PLXNA4: variants seen among roughly 807,000 people sequenced by gnomAD.
The protein encoded by PLXNA4 is plexin-A4.
Under a neutral mutation model 191.8 loss-of-function variants are expected in PLXNA4, and 44 were observed. The observed-to-expected ratio is 0.23, with a 90% confidence interval of 0.18 to 0.29. PLXNA4 has a LOEUF of 0.29. Among genes scored for constraint, PLXNA4 ranks in the 10% least tolerant of loss-of-function variants. The pLI, the probability that PLXNA4 is intolerant of heterozygous loss-of-function variation, is 1.00. For synonymous variants in PLXNA4, 1,082 were observed against 1,009.5 expected (o/e 1.07, Z -1.36); for missense variants, 1,800 against 2,488.8 (o/e 0.72, Z 5.89).
chr7:132,177,930 A>C (rs1430474473), intron 20 of PLXNA4, among the ~76,000 whole-genome samples: 1 of 152,172 alleles, frequency 6.6e-6, no homozygotes, highest in African/African-American at 2.4e-5. Context: ...ATCGGTGTGA[A>C]GTGAGAGCCC....
chr7:132,173,099 C>T (rs562851975), intron 21 of PLXNA4, among the ~76,000 whole-genome samples: 14 of 152,300 alleles, frequency 9.2e-5, no homozygotes, highest in African/African-American at 3.4e-4. Context: ...GTCTACACAT[C>T]CAATCATACA....
chr7:132,331,040 G>A (rs1456894487), intron 3 of PLXNA4, among the ~76,000 whole-genome samples: 1 of 152,182 alleles, frequency 6.6e-6, no homozygotes, highest in Non-Finnish European at 1.5e-5. Context: ...AGAGAGTGAG[G>A]GTGGGATGGG....
chr7:132,141,250 T>C (rs975798894), intron 29 of PLXNA4, among the ~76,000 whole-genome samples: 1 of 152,218 alleles, frequency 6.6e-6, no homozygotes. Flanking sequence ...TGTATCTGAC[T>C]CTCTGCCATC....
chr7:132,433,286 T>C (rs1349298964), intron 3 of PLXNA4, among the ~76,000 whole-genome samples: 1 of 152,214 alleles, frequency 6.6e-6, no homozygotes, highest in Non-Finnish European at 1.5e-5. Context: ...TCACCTTTTG[T>C]CACAGTAACA....
intron 21 of PLXNA4, among the ~76,000 whole-genome samples, chr7:132,174,315 A>T (rs1796386017): frequency 6.6e-6 from 1 of 152,110 alleles, no homozygotes. Flanking sequence ...TTTCTCATTC[A>T]CATTTCCACC....
chr7:132,427,999 G>A (rs1795114620), intron 3 of PLXNA4, among the ~76,000 whole-genome samples: 1 of 152,146 alleles, frequency 6.6e-6, no homozygotes, highest in Non-Finnish European at 1.5e-5. Context: ...AAACCCATAT[G>A]CTTCTGCAAA....
At chr7:132,163,938 C>T (rs1796022254) in intron 24 of PLXNA4, among the ~76,000 whole-genome samples, 1 of 152,202 alleles carries the variant, frequency 6.6e-6, no homozygotes, top group Non-Finnish European at 1.5e-5. Flanking sequence ...AGCTACTGGT[C>T]CCCAAATCCA....
At chr7:132,395,275 G>A (rs1793709867) in intron 3 of PLXNA4, among the ~76,000 whole-genome samples, 1 of 152,194 alleles carries the variant, frequency 6.6e-6, no homozygotes, top group Non-Finnish European at 1.5e-5. Flanking sequence ...GGTTTTATGG[G>A]GGCTAGTTGG....
At chr7:132,518,635 C>T (rs1423858512) in intron 1 of PLXNA4, among the ~76,000 whole-genome samples, 1 of 152,184 alleles carries the variant, frequency 6.6e-6, no homozygotes, top group Non-Finnish European at 1.5e-5. Context: ...AATCCAGCAC[C>T]AAGCTCAGCT....
At chr7:132,529,209 T>C (rs1165490740) in intron 1 of PLXNA4, among the ~76,000 whole-genome samples, 2 of 152,168 alleles carry the variant, frequency 1.3e-5, no homozygotes, top group African/African-American at 4.8e-5. Flanking sequence ...CCATTGCAGG[T>C]TGGTGTCACC....
chr7:132,324,158 T>C (rs1425322223), intron 3 of PLXNA4, among the ~76,000 whole-genome samples: 2 of 151,900 alleles, frequency 1.3e-5, no homozygotes, highest in Non-Finnish European at 2.9e-5. Flanking sequence ...CCAAGATCCT[T>C]CCAAGAAAGT....
At chr7:132,145,079 T>C in intron 29 of PLXNA4, 40 bp downstream of exon 29, 1 of 1,612,900 alleles carries the variant, frequency 6.2e-7, no homozygotes, top group Non-Finnish European at 8.5e-7. Context: ...CTGGGTGGGC[T>C]CAGGGCTCCC....
At chr7:132,265,358 A>T (rs1208412564) in intron 4 of PLXNA4, among the ~76,000 whole-genome samples, 2 of 152,212 alleles carry the variant, frequency 1.3e-5, no homozygotes, top group Non-Finnish European at 2.9e-5. Flanking sequence ...ATCCCAAGCT[A>T]AGTACTGTGC....
chr7:132,595,036 G>A (rs1369716711), intron 2 of PLXNA4, among the ~76,000 whole-genome samples: 1 of 150,676 alleles, frequency 6.6e-6, no homozygotes, highest in Non-Finnish European at 1.5e-5. Context: ...CAGACAGACA[G>A]ACAGACAGAT....
chr7:132,196,521 G>T (rs2122637), intron 13 of PLXNA4, among the ~76,000 whole-genome samples: 56,262 of 152,022 alleles, frequency 0.37, 10,731 homozygotes, highest in South Asian at 0.58. Flanking sequence ...ATTGAACTGA[G>T]GAATTCCCTA....
chr7:132,235,730 A>C (rs1383000228), intron 5 of PLXNA4, among the ~76,000 whole-genome samples: 1 of 152,148 alleles, frequency 6.6e-6, no homozygotes, highest in Non-Finnish European at 1.5e-5. Flanking sequence ...GCTGAGACTG[A>C]GACAGGCTTC....
At chr7:132,446,602 A>C (rs1585147233) in intron 3 of PLXNA4, among the ~76,000 whole-genome samples, 1 of 152,276 alleles carries the variant, frequency 6.6e-6, no homozygotes, top group Non-Finnish European at 1.5e-5. Context: ...AACTTTATAA[A>C]CCAGACACTA....
At chr7:132,172,123 G>C (rs148591761) in intron 21 of PLXNA4, among the ~76,000 whole-genome samples, 5 of 152,262 alleles carry the variant, frequency 3.3e-5, no homozygotes, top group Non-Finnish European at 7.4e-5. Context: ...GTTCCTCACT[G>C]TTGCCTGCCA....
intron 31 of PLXNA4, among the ~76,000 whole-genome samples, chr7:132,131,264 A>T (rs1794917590): frequency 6.6e-6 from 1 of 152,206 alleles, no homozygotes; most frequent in Admixed American, 6.5e-5. Flanking sequence ...ACTCAGACTC[A>T]GGAGATGAGG....
Sources: allele counts gnomAD v4.1 joint callset (sites outside exome capture counted in the v4.1 genomes callset), GRCh38; gene constraint gnomAD v4.1.1; transcripts MANE v1.5; gene names NCBI Gene and HGNC (gene_info 2026-07-23, HGNC 2026-07-21).